Variants in MAPKAP1 observed in about 807,000 individuals in gnomAD.
MAPKAP1 encodes the protein MAPK associated protein 1.
A neutral mutation model predicts 65.7 loss-of-function variants in MAPKAP1; 20 were observed. That is an observed-to-expected ratio of 0.30 (90% CI 0.21 to 0.44). The LOEUF is 0.44. Among genes scored for constraint, MAPKAP1 ranks in the 20% least tolerant of loss-of-function variants. MAPKAP1 has a pLI of 1.00. For synonymous variants in MAPKAP1, 222 were observed against 244.3 expected, an observed-to-expected ratio of 0.91 and a Z score of 0.85; for missense variants, 423 against 648.0, an observed-to-expected ratio of 0.65 and a Z score of 3.77.
chr9:125,521,562 T>G, intron 7 of MAPKAP1: 1 of 1,391,984 alleles, frequency 7.2e-7, no homozygotes, highest in Non-Finnish European at 9.3e-7. Context: ...CCAAAACTGG[T>G]TGATGGGGAT....
At chr9:125,554,542 T>C (rs535097324) in intron 6 of MAPKAP1, among the ~76,000 whole-genome samples, 3 of 148,926 alleles carry the variant, frequency 2.0e-5, no homozygotes, top group Non-Finnish European at 4.4e-5. Context: ...CTCATGCCTG[T>C]AATCCTAACA....
chr9:125,475,334 T>C (rs965323753), intron 9 of MAPKAP1, among the ~76,000 whole-genome samples: 2 of 152,236 alleles, frequency 1.3e-5, no homozygotes, highest in Admixed American at 1.3e-4. Flanking sequence ...CCAAAATAGA[T>C]GACAAAACCA....
At chr9:125,507,759 A>G (rs541235366) in intron 7 of MAPKAP1, among the ~76,000 whole-genome samples, 2 of 152,258 alleles carry the variant, frequency 1.3e-5, no homozygotes, top group African/African-American at 4.8e-5. Flanking sequence ...CTATTTAAGC[A>G]TATGCTCAGA....
chr9:125,698,135 G>A (rs960547843), intron 1 of MAPKAP1, among the ~76,000 whole-genome samples: 4 of 150,448 alleles, frequency 2.7e-5, no homozygotes, highest in Non-Finnish European at 2.9e-5. Context: ...TGCTACTCAC[G>A]CATGCGCGTT....
intron 5 of MAPKAP1, among the ~76,000 whole-genome samples, chr9:125,570,253 G>T (rs908223911): frequency 6.6e-6 from 1 of 152,202 alleles, no homozygotes; most frequent in African/African-American, 2.4e-5. Flanking sequence ...AAGTTAGAAA[G>T]TCCAAGAGTC....
Position 125,574,851 on chromosome 9 carries a change from T to A in MAPKAP1, c.671+10704A>T, listed in dbSNP as rs577184469. Among the ~76,000 whole-genome samples, 61 of 152,348 alleles carry A rather than the reference T, an allele frequency of 4.0e-4. 1 individual carries two copies. In the South Asian group the frequency reaches 0.012, roughly 31 times the overall value. Reference sequence around the variant, plus strand: ...TTCATTACTACCCTGTTAGATAGTTTCCACCCTCATTTTATACATGAGAAA... The same window carrying A: ...TTCATTACTACCCTGTTAGATAGTTACCACCCTCATTTTATACATGAGAAA... On this transcript the variant is annotated intron_variant, in intron 5 of 11. Coordinates refer to ENST00000265960, the MANE Select transcript of MAPKAP1 (RefSeq NM_001006617.3).
chr9:125,622,330 T>C (rs1343674824), intron 4 of MAPKAP1, among the ~76,000 whole-genome samples: 2 of 152,342 alleles, frequency 1.3e-5, no homozygotes, highest in East Asian at 3.9e-4. Context: ...GACACAGAAA[T>C]GATGTTTGTG....
In MAPKAP1 at chr9:125,439,716, C is replaced by T. The variant is rs548902238; in HGVS notation, c.1444-704G>A. ...TTCCACGAAGCCCTGGGAGTCTGCC[C>T]GGAGTCGCATGTGCATCTTCCACTC... On this transcript the variant is annotated intron_variant, in intron 11 of 11. Transcript: ENST00000265960. This position sits in a 1 kb window ranked among gnomAD's most constrained non-coding sequence, Gnocchi z 4.0. Among the ~76,000 whole-genome samples the T allele has an allele frequency of 2.6e-5, 4 of 152,298 alleles. No individual in the cohort carries two copies. In the East Asian group the frequency reaches 5.8e-4, roughly 22 times the overall value.
rs78293774 is a variant in MAPKAP1, at chr9:125,558,605, A to T, written c.848+1028T>A. ...CTAAAGCAATCCCTTTTGAGCAGTGAATTTGCTGGTTACTAACAGCAGGGG... is the reference window on the plus strand; with the variant it reads ...CTAAAGCAATCCCTTTTGAGCAGTGTATTTGCTGGTTACTAACAGCAGGGG... On this transcript the variant is annotated intron_variant, in intron 6 of 11. Transcript: ENST00000265960. Among the ~76,000 whole-genome samples the T allele has an allele frequency of 6.0e-4, 91 of 152,306 alleles. 1 individual carries two copies. In the East Asian group the frequency reaches 0.015, roughly 25 times the overall value.
chr9:125,648,035 AG>A (rs1258030955), intron 4 of MAPKAP1, among the ~76,000 whole-genome samples: 1 of 151,992 alleles, frequency 6.6e-6, no homozygotes, highest in African/African-American at 2.4e-5. Flanking sequence ...GCAGTCCGTC[AG>A]GTTTCAAGTC....
chr9:125,438,744 C>T lies in MAPKAP1; in HGVS notation c.*143G>A. 8.7e-7 allele frequency: 1 copy of T among 1,152,830 alleles called. No homozygotes were observed. The highest frequency in any genetic ancestry group is 1.2e-6 in the Non-Finnish European group (1 of 814,046). The allele number at this position is 1,152,830 out of a possible 1,614,324, so 71.4% of individuals were successfully genotyped here. A position where few individuals can be genotyped will look rare whatever the true frequency, so the allele number is the denominator to read the frequency against. On this transcript the variant is annotated 3_prime_UTR_variant, in exon 12 of 12. Transcript: ENST00000265960. ...CCTCCTAGGGGGCCCCCGACACCTTCCCCGAGAGCCCACCTGCCCTGTGCC... is the reference window on the plus strand; with the variant it reads ...CCTCCTAGGGGGCCCCCGACACCTTTCCCGAGAGCCCACCTGCCCTGTGCC...
rs768570334 is a variant in MAPKAP1 at position 125,543,182 on chromosome 9, CAA to C, written c.849-16_849-15del. 1.3e-6 allele frequency: 2 copies of C among 1,542,580 alleles called. No individual in the cohort carries two copies. The highest frequency in any genetic ancestry group is 1.8e-6 in the Non-Finnish European group (2 of 1,114,862). On this transcript the variant is annotated splice_polypyrimidine_tract_variant and intron_variant, in intron 6 of 11. Transcript: ENST00000265960. ...TGAGCAGCATTTCTGTAGGAAAAGA[CAA>C]ATATTAAATCATCACCAACATTCAT...
At chr9:125,598,852 C>T (rs939058377) in intron 4 of MAPKAP1, among the ~76,000 whole-genome samples, 2 of 151,912 alleles carry the variant, frequency 1.3e-5, no homozygotes, top group Non-Finnish European at 2.9e-5. Flanking sequence ...CCAGCCTGGT[C>T]AACATGGCAA....
At chr9:125,596,532 T>C (rs762873336) in intron 4 of MAPKAP1, 33 of 718,644 alleles carry the variant, frequency 4.6e-5, no homozygotes, top group Non-Finnish European at 6.4e-5. Context: ...CTGGCAGCTA[T>C]GGTGGTGGAA....
At chr9:125,481,571 C>T (rs578221225) in intron 9 of MAPKAP1, among the ~76,000 whole-genome samples, 2 of 151,922 alleles carry the variant, frequency 1.3e-5, no homozygotes, top group Admixed American at 1.3e-4. Context: ...TACAGGCAGG[C>T]ACCACCACAC....
At chr9:125,469,441 T>A (rs1853815587) in intron 9 of MAPKAP1, among the ~76,000 whole-genome samples, 1 of 151,982 alleles carries the variant, frequency 6.6e-6, no homozygotes, top group Admixed American at 6.5e-5. Flanking sequence ...ATCCTACTGA[T>A]TAGGTCTGCT....
intron 4 of MAPKAP1, among the ~76,000 whole-genome samples, chr9:125,590,015 G>C (rs1490408294): frequency 6.6e-6 from 1 of 152,160 alleles, no homozygotes; most frequent in Non-Finnish European, 1.5e-5. Context: ...AATCTTTCTG[G>C]AGTCGGTTGA....
intron 10 of MAPKAP1, among the ~76,000 whole-genome samples, chr9:125,459,101 G>C (rs1167972608): frequency 1.4e-5 from 2 of 146,072 alleles, no homozygotes. Context: ...TCTCAGAAGG[G>C]GCGGCCGGGC....
chr9:125,480,271 C>T (rs140126777), intron 9 of MAPKAP1, among the ~76,000 whole-genome samples: 1 of 152,142 alleles, frequency 6.6e-6, no homozygotes, highest in Non-Finnish European at 1.5e-5. Context: ...CACAAAATTC[C>T]TTACGACTAA....
Sources: gnomAD v4.1 joint callset for allele counts (sites outside exome capture counted in the v4.1 genomes callset) on GRCh38, gnomAD v4.1.1 for gene constraint, Gnocchi (gnomAD v3.1) non-coding constraint, MANE v1.5 for transcripts, NCBI Gene and HGNC (gene_info 2026-07-23, HGNC 2026-07-21) for gene names.